KAT6B: variants seen among roughly 807,000 people sequenced by gnomAD.
The protein encoded by KAT6B is lysine acetyltransferase 6B.
In KAT6B, 10 loss-of-function variants were observed where a neutral mutation model predicts 187.5. The observed-to-expected ratio is 0.05, with a 90% confidence interval of 0.03 to 0.09. The LOEUF (loss-of-function observed/expected upper bound fraction) is 0.09. KAT6B is among the 10% of genes least tolerant of loss of function. The probability of loss-of-function intolerance (pLI) is 1.00; values close to 1 mark genes in which losing one functional copy is unlikely to be tolerated. For missense variants in KAT6B, 1,952 were observed against 2,558.9 expected (o/e 0.76, Z 5.12); for synonymous variants, 861 against 926.8 (o/e 0.93, Z 1.29).
At chr10:74,895,403 T>C (rs1845921209) in intron 3 of KAT6B, among the ~76,000 whole-genome samples, 1 of 151,728 alleles carries the variant, frequency 6.6e-6, no homozygotes, top group Non-Finnish European at 1.5e-5. Context: ...ACATTAATTG[T>C]GTAATACTGA....
At chr10:75,020,394 G>A (rs1014240172) in intron 13 of KAT6B, among the ~76,000 whole-genome samples, 188 bp from the exon 14 acceptor site, 1 of 152,230 alleles carries the variant, frequency 6.6e-6, no homozygotes, top group African/African-American at 2.4e-5. Flanking sequence ...CACTGTCAAA[G>A]ATTCAGGAGC....
chr10:74,928,023 G>A (rs1848623601), intron 3 of KAT6B, among the ~76,000 whole-genome samples: 1 of 152,186 alleles, frequency 6.6e-6, no homozygotes, highest in Admixed American at 6.5e-5. Flanking sequence ...TTTATTTTAA[G>A]TCAATCCTCT....
intron 2 of KAT6B, among the ~76,000 whole-genome samples, chr10:74,841,711 ACT>A (rs757628345): frequency 1.2e-4 from 18 of 152,318 alleles, no homozygotes; most frequent in Non-Finnish European, 2.5e-4. Context: ...ATGTGAGCAC[ACT>A]CTGTACAGTT....
chr10:74,959,484 T>C (rs553492726), intron 3 of KAT6B, among the ~76,000 whole-genome samples: 3 of 152,342 alleles, frequency 2.0e-5, no homozygotes, highest in Admixed American at 2.0e-4. Flanking sequence ...AGTCATACAT[T>C]ATACTGAAAT....
At chr10:74,830,731 CATATATAT>C (rs1198969374) in intron 1 of KAT6B, among the ~76,000 whole-genome samples, 442 of 17,198 alleles carry the variant, frequency 0.026, 5 homozygotes, top group East Asian at 0.08. Flanking sequence ...CACAGCTCTT[CATATATAT>C]ATATATATAT....
intron 3 of KAT6B, among the ~76,000 whole-genome samples, chr10:74,854,353 T>G (rs1842680543): frequency 6.6e-6 from 1 of 152,228 alleles, no homozygotes; most frequent in African/African-American, 2.4e-5. Context: ...ATGCCTCTGC[T>G]TGGGGCAGAA....
chr10:75,019,011 T>A (rs1457971422), intron 13 of KAT6B, among the ~76,000 whole-genome samples: 1 of 152,192 alleles, frequency 6.6e-6, no homozygotes, highest in Non-Finnish European at 1.5e-5. Flanking sequence ...CTTCATACTC[T>A]GGCAACACAG....
Position 74,960,240 on chromosome 10 carries a change from G to A in KAT6B, c.730+162G>A, listed in dbSNP as rs375205801. ...AAAAGTAAGGAATAGAGAAAAAAGC[G>A]TGAGTATGTTAGTACTGACATATGG... On this transcript the variant is annotated intron_variant, in intron 4 of 17. Coordinates refer to ENST00000287239, the MANE Select transcript of KAT6B (RefSeq NM_012330.4). 2.2e-4 allele frequency among the ~76,000 whole-genome samples: 34 copies of A among 152,208 alleles called. No homozygotes were observed. The South Asian group carries it at 6.4e-3, about 29-fold the overall frequency.
At chr10:74,975,267 G>A (rs1012664379) in intron 7 of KAT6B, 132 bp from the exon 8 acceptor site, 1 of 740,822 alleles carries the variant, frequency 1.3e-6, no homozygotes, top group Non-Finnish European at 2.3e-6. Context: ...CATCTAGGTG[G>A]TGGCACACAC....
rs779196405 is a variant in KAT6B at position 75,022,158 on chromosome 10, AAG to A, written c.3301_3302del (p.Glu1101ArgfsTer35). The A allele has an allele frequency of 1.2e-6, 2 of 1,613,480 alleles. No homozygotes were observed. The highest frequency in any genetic ancestry group is 2.7e-5 in the African/African-American group (2 of 74,976). On this transcript the variant is annotated frameshift_variant, in exon 16 of 18. Coordinates refer to ENST00000287239, the MANE Select transcript of KAT6B (RefSeq NM_012330.4). LOFTEE classifies it high-confidence loss of function. ...GAGGAGGAAGAAGAGGAAGAAGAAG[AAG>A]AAGAAGAAGAAAATATTCAAAGCTC...
In KAT6B at chr10:74,975,711, T is replaced by C. The variant is rs1842109838; in HGVS notation, c.1374T>C (p.Phe458=). 2 of 1,614,074 alleles carry C rather than the reference T, an allele frequency of 1.2e-6. No individual in the cohort carries two copies. The highest frequency in any genetic ancestry group is 1.3e-5 in the African/African-American group (1 of 74,910). The change falls in exon 8 of 18, where the codon TTT becomes TTC. Residue 458 remains phenylalanine, a synonymous_variant. Transcript: ENST00000287239. Reference sequence around the variant, plus strand: ...GATCACGAGGTGAAATTATAGACTTTTCAAAGCACTATCGTCCAAGGAAAA... The same window carrying C: ...GATCACGAGGTGAAATTATAGACTTCTCAAAGCACTATCGTCCAAGGAAAA... ...GRRSRGEIID[F]SKHYRPRKKV...
chr10:74,966,576 A>C (rs1373073113), intron 4 of KAT6B, among the ~76,000 whole-genome samples: 1 of 152,218 alleles, frequency 6.6e-6, no homozygotes, highest in Non-Finnish European at 1.5e-5. Flanking sequence ...AAACTATTGT[A>C]AGCTACTAGT....
At chr10:74,944,123 T>C (rs1321047683) in intron 3 of KAT6B, among the ~76,000 whole-genome samples, 1 of 152,178 alleles carries the variant, frequency 6.6e-6, no homozygotes, top group African/African-American at 2.4e-5. Context: ...TGAGCAGTGA[T>C]GCGGCCCAGG....
At chr10:74,970,492 C>G (rs1361673465) in intron 6 of KAT6B, among the ~76,000 whole-genome samples, 1 of 152,024 alleles carries the variant, frequency 6.6e-6, no homozygotes, top group African/African-American at 2.4e-5. Context: ...GATAGTGACT[C>G]CAAAGTCCTA....
intron 16 of KAT6B, among the ~76,000 whole-genome samples, chr10:75,023,297 A>G (rs1845577216): frequency 6.6e-6 from 1 of 152,208 alleles, no homozygotes; most frequent in East Asian, 1.9e-4. Context: ...CTGTTAGGGA[A>G]CTTGCTGTTC....
intron 13 of KAT6B, among the ~76,000 whole-genome samples, chr10:75,000,500 G>A (rs868390375): frequency 1.1e-4 from 17 of 151,800 alleles, no homozygotes; most frequent in Admixed American, 7.2e-4. Context: ...CTTTTTTATC[G>A]GGGGCAGACG....
chr10:75,025,286 A>G, intron 17 of KAT6B, 37 bp downstream of exon 17: 2 of 1,606,788 alleles, frequency 1.2e-6, no homozygotes, highest in South Asian at 2.2e-5. Flanking sequence ...ACCCTTGAGA[A>G]TGTCTGTATC....
chr10:74,991,276 A>G (rs1843112097), intron 13 of KAT6B, among the ~76,000 whole-genome samples: 1 of 152,226 alleles, frequency 6.6e-6, no homozygotes, highest in Non-Finnish European at 1.5e-5. Flanking sequence ...GATATAAACT[A>G]AATTTCCAAA....
At chr10:74,905,907 G>T (rs1026380965) in intron 3 of KAT6B, among the ~76,000 whole-genome samples, 1 of 152,102 alleles carries the variant, frequency 6.6e-6, no homozygotes, top group Non-Finnish European at 1.5e-5. Flanking sequence ...GCACATAAGG[G>T]CTCAAAAGTG....
Sources: gnomAD v4.1 joint callset for allele counts (sites outside exome capture counted in the v4.1 genomes callset) on GRCh38, gnomAD v4.1.1 for gene constraint, MANE v1.5 for transcripts, NCBI Gene and HGNC (gene_info 2026-07-23, HGNC 2026-07-21) for gene names.